Variants in FRY observed in about 807,000 individuals in gnomAD.
FRY encodes FRY microtubule binding protein, also known as protein furry homolog.
FRY carries 128 observed loss-of-function variants against 348.4 expected under a neutral mutation model. That is an observed-to-expected ratio of 0.37 (90% CI 0.32 to 0.43). FRY has a LOEUF of 0.43. Ranked by LOEUF, FRY falls within the 20% of genes least tolerant of loss-of-function variation. The pLI, the probability that FRY is intolerant of heterozygous loss-of-function variation, is 1.00. For missense variants in FRY, 2,736 were observed against 3,695.2 expected, an observed-to-expected ratio of 0.74 and a Z score of 6.73; for synonymous variants, 1,370 against 1,374.7, an observed-to-expected ratio of 1.00 and a Z score of 0.08.
At chr13:32,094,297 A>G (rs773359670) in intron 2 of FRY, among the ~76,000 whole-genome samples, 17 of 152,210 alleles carry the variant, frequency 1.1e-4, no homozygotes, top group Admixed American at 2.6e-4. Flanking sequence ...CATGCAATGC[A>G]TAATAATCAC....
At position 32,296,573 on chromosome 13, in the gene FRY, G is replaced by T. The variant is rs1384765291; in HGVS notation, c.*1113G>T. ...TAAATACATTTAAAGTTTTTGTGAT[G>T]TAAGCTTAATTGATATTCTGTTCAG... On this transcript the variant is annotated 3_prime_UTR_variant, in exon 61 of 61. Coordinates refer to ENST00000542859, the MANE Select transcript of FRY (RefSeq NM_023037.3). The T allele has an allele frequency of 6.7e-6, 1 of 150,134 alleles. No homozygotes were observed. Among genetic ancestry groups the T allele is most frequent in the East Asian group, 2.0e-4 (1 of 5,098 alleles). 9.3% of individuals were successfully genotyped at this position (150,134 alleles called of 1,614,324 possible). A position where few individuals can be genotyped will look rare whatever the true frequency, so the allele number is the denominator to read the frequency against.
At chr13:32,074,293 C>G (rs942404576) in intron 1 of FRY, among the ~76,000 whole-genome samples, 1 of 152,052 alleles carries the variant, frequency 6.6e-6, no homozygotes, top group Non-Finnish European at 1.5e-5. Flanking sequence ...ATTAACAAAA[C>G]TCATTTAAGA....
At chr13:32,101,803 C>T (rs1877178480) in intron 2 of FRY, among the ~76,000 whole-genome samples, 160 bp from the exon 3 acceptor site, 1 of 152,094 alleles carries the variant, frequency 6.6e-6, no homozygotes, top group African/African-American at 2.4e-5. Flanking sequence ...ACTATGGTTA[C>T]AATACCTAAG....
rs1886378731 is a variant in FRY, at chr13:32,239,229, C to T, written c.6419-23C>T. 7.3e-7 allele frequency: 1 copy of T among 1,363,792 alleles called. No homozygotes were observed. Among genetic ancestry groups the T allele is most frequent in the East Asian group, 2.3e-5 (1 of 43,832 alleles). The allele number at this position is 1,363,792 out of a possible 1,614,324, so 84.5% of individuals were successfully genotyped here. A position where few individuals can be genotyped will look rare whatever the true frequency, so the allele number is the denominator to read the frequency against. On this transcript the variant is annotated intron_variant, in intron 44 of 60. Transcript: ENST00000542859. The surrounding 1 kb of genome is among the most constrained non-coding windows in gnomAD (Gnocchi z 4.3). The stretch of plus-strand genomic sequence containing the variant: ...TAAAATATACCATATTCAGCTATCT[C>T]CATTGTATCTTCTCTAATCCAGGGT...
intron 1 of FRY, among the ~76,000 whole-genome samples, chr13:32,036,784 T>A (rs545175387): frequency 6.6e-6 from 1 of 152,034 alleles, no homozygotes; most frequent in East Asian, 1.9e-4. Flanking sequence ...AGATAGAGAT[T>A]TGCTCAAAGC....
At chr13:32,134,335 C>T (rs1295390499) in intron 8 of FRY, among the ~76,000 whole-genome samples, 1 of 152,158 alleles carries the variant, frequency 6.6e-6, no homozygotes, top group Non-Finnish European at 1.5e-5. Flanking sequence ...CTAAAGGTTT[C>T]CTTGTTGAGG....
In FRY at chr13:32,072,863, A is replaced by G. The variant is rs544669100; in HGVS notation, c.71-5971A>G. Among the ~76,000 whole-genome samples, 20 of 152,350 alleles carry G rather than the reference A, an allele frequency of 1.3e-4. No homozygotes were observed. The South Asian group carries it at 4.1e-3, about 32-fold the overall frequency. On this transcript the variant is annotated intron_variant, in intron 1 of 60. Coordinates refer to ENST00000542859, the MANE Select transcript of FRY (RefSeq NM_023037.3). ...TGAGAACTGGCAGAAAGAATAATTT[A>G]TGTACAACCATGAACAAAGAAATCT...
intron 17 of FRY, among the ~76,000 whole-genome samples, chr13:32,162,530 T>C (rs1881511097): frequency 6.6e-6 from 1 of 152,168 alleles, no homozygotes; most frequent in Non-Finnish European, 1.5e-5. Context: ...TGCTATCTAG[T>C]AATAGCTTTT....
chr13:32,177,906 G>A (rs1257975315), intron 20 of FRY, among the ~76,000 whole-genome samples: 1 of 152,162 alleles, frequency 6.6e-6, no homozygotes, highest in African/African-American at 2.4e-5. Flanking sequence ...TCTGTGTATT[G>A]ATGCACAGTG....
rs192322787 is a variant in FRY, at chr13:32,290,940, G to T, written c.8580+1197G>T. Among the ~76,000 whole-genome samples, 24 of 152,252 alleles carry T rather than the reference G, an allele frequency of 1.6e-4. No homozygotes were observed. The East Asian group carries it at 4.2e-3, about 27-fold the overall frequency. ...ATATAAAAAGAAGGACTGAGGCGAT[G>T]CTGTGTCCAGACAGTCAAGCCTTCT... On this transcript the variant is annotated intron_variant, in intron 59 of 60. Coordinates refer to ENST00000542859, the MANE Select transcript of FRY (RefSeq NM_023037.3).
In FRY at chr13:32,239,499, G is replaced by C. The variant is rs1465077941; in HGVS notation, c.6516+150G>C. 1 of 717,800 alleles carries C rather than the reference G, an allele frequency of 1.4e-6. No homozygotes were observed. The highest frequency in any genetic ancestry group is 1.8e-5 in the African/African-American group (1 of 57,084). 44.5% of individuals were successfully genotyped at this position (717,800 alleles called of 1,614,324 possible). On this transcript the variant is annotated intron_variant, in intron 45 of 60. Coordinates refer to ENST00000542859, the MANE Select transcript of FRY (RefSeq NM_023037.3). This position sits in a 1 kb window ranked among gnomAD's most constrained non-coding sequence, Gnocchi z 4.3. ...TCACAGTAATGGAAATATAGGGGTGGCTGATGCAAATTGTCTTGCTTGCTT... is the reference window on the plus strand; with the variant it reads ...TCACAGTAATGGAAATATAGGGGTGCCTGATGCAAATTGTCTTGCTTGCTT...
At chr13:32,077,017 G>A (rs935649123) in intron 1 of FRY, among the ~76,000 whole-genome samples, 6 of 152,196 alleles carry the variant, frequency 3.9e-5, no homozygotes, top group Admixed American at 6.5e-5. Context: ...GTGGAGGTAG[G>A]TGTTACGGAG....
intron 27 of FRY, among the ~76,000 whole-genome samples, chr13:32,186,762 A>G (rs1044489521): frequency 1.3e-5 from 2 of 152,104 alleles, no homozygotes; most frequent in East Asian, 3.8e-4. Flanking sequence ...ATCTCCTTCT[A>G]TCCTAGAAGA....
chr13:32,068,227 G>A (rs1011143849), intron 1 of FRY, among the ~76,000 whole-genome samples: 1 of 151,962 alleles, frequency 6.6e-6, no homozygotes, highest in Non-Finnish European at 1.5e-5. Flanking sequence ...ATGATATTTT[G>A]CGGCATAAAA....
At chr13:32,220,356 T>C (rs1229936351) in intron 36 of FRY, among the ~76,000 whole-genome samples, 2 of 152,216 alleles carry the variant, frequency 1.3e-5, no homozygotes, top group Non-Finnish European at 2.9e-5. Context: ...TATGTAATTA[T>C]CATGCTCTAA....
At chr13:32,047,585 G>T (rs1020325866) in intron 1 of FRY, among the ~76,000 whole-genome samples, 1 of 148,838 alleles carries the variant, frequency 6.7e-6, no homozygotes, top group African/African-American at 2.4e-5. Context: ...TTTTTTTGGG[G>T]GGGGTGCAGA....
chr13:32,195,485 G>A (rs140604743), intron 29 of FRY, among the ~76,000 whole-genome samples: 3 of 152,080 alleles, frequency 2.0e-5, no homozygotes, highest in South Asian at 4.2e-4. Flanking sequence ...AATATATTTA[G>A]AATCTATGGC....
intron 57 of FRY, among the ~76,000 whole-genome samples, chr13:32,277,568 T>TGA (rs1888591351): frequency 6.6e-6 from 1 of 152,220 alleles, no homozygotes; most frequent in Non-Finnish European, 1.5e-5. Context: ...CCCACGCTCT[T>TGA]AACCACATCA....
chr13:32,083,520 T>C (rs1875636621), intron 2 of FRY, among the ~76,000 whole-genome samples: 1 of 152,168 alleles, frequency 6.6e-6, no homozygotes, highest in Non-Finnish European at 1.5e-5. Flanking sequence ...TCATTGAGCC[T>C]CTTTTTCTGT....
Sources: allele counts gnomAD v4.1 joint callset (sites outside exome capture counted in the v4.1 genomes callset), GRCh38; gene constraint gnomAD v4.1.1; non-coding constraint Gnocchi (gnomAD v3.1); transcripts MANE v1.5; gene names NCBI Gene and HGNC (gene_info 2026-07-23, HGNC 2026-07-21).